DCP1B: variants seen among roughly 807,000 people sequenced by gnomAD.
The protein encoded by DCP1B is decapping mRNA 1B.
In DCP1B, 47 loss-of-function variants were observed where a neutral mutation model predicts 60.5. That is an observed-to-expected ratio of 0.78 (90% CI 0.61 to 0.99). The LOEUF is 0.99. Among genes scored for constraint, DCP1B ranks in the 50% least tolerant of loss-of-function variants. The probability of loss-of-function intolerance (pLI) is 0.00; values close to 1 mark genes in which losing one functional copy is unlikely to be tolerated. For synonymous variants in DCP1B, 267 were observed against 280.3 expected (o/e 0.95, Z 0.47); for missense variants, 725 against 756.8 (o/e 0.96, Z 0.49).
Position 1,955,105 on chromosome 12 carries a change from C to T in DCP1B, c.651+327G>A, listed in dbSNP as rs2154456704. Among the ~76,000 whole-genome samples, 2 of 152,292 alleles carry T rather than the reference C, an allele frequency of 1.3e-5. 1 individual carries two copies. The highest frequency in any genetic ancestry group is 4.1e-4 in the South Asian group (2 of 4,826). On this transcript the variant is annotated intron_variant, in intron 6 of 8. Transcript: ENST00000280665. ...CTTCTGGCCTCAAATGATCCTCTCG[C>T]CTCAGCCTCTCAAAGTGCTGGGATT...
intron 3 of DCP1B, among the ~76,000 whole-genome samples, chr12:1,979,165 A>G (rs1212674589): frequency 6.6e-6 from 1 of 152,142 alleles, no homozygotes; most frequent in Non-Finnish European, 1.5e-5. Context: ...CGTGCCCGCC[A>G]TCGAGCCTGG....
At chr12:2,000,803 G>A (rs1360833732) in intron 1 of DCP1B, among the ~76,000 whole-genome samples, 5 of 152,288 alleles carry the variant, frequency 3.3e-5, no homozygotes, top group South Asian at 2.1e-4. Context: ...TTGGGAGGCC[G>A]AGGCGGGTGG....
At chr12:1,953,801 G>A (rs2030781202) in intron 6 of DCP1B, among the ~76,000 whole-genome samples, 1 of 152,210 alleles carries the variant, frequency 6.6e-6, no homozygotes, top group African/African-American at 2.4e-5. Flanking sequence ...AAAAGTCCTT[G>A]GATACATAAA....
chr12:1,943,044 T>G (rs182454565), downstream of DCP1B, among the ~76,000 whole-genome samples: 2 of 151,988 alleles, frequency 1.3e-5, no homozygotes. Context: ...ATAGATAGAC[T>G]GCTAGCCAGA....
intron 1 of DCP1B, among the ~76,000 whole-genome samples, chr12:2,000,664 T>C (rs543678134): frequency 4.6e-5 from 7 of 152,328 alleles, no homozygotes; most frequent in African/African-American, 7.2e-5. Context: ...AATCACAACC[T>C]GGGACCTGTA....
In DCP1B at chr12:1,991,056, A is replaced by G. The variant is rs552493848; in HGVS notation, c.319+2208T>C. 22 of 455,198 alleles carry G rather than the reference A, an allele frequency of 4.8e-5. 1 individual carries two copies. The East Asian group carries it at 6.3e-4, about 13-fold the overall frequency. The allele number at this position is 455,198 out of a possible 1,614,324, so 28.2% of individuals were successfully genotyped here. On this transcript the variant is annotated intron_variant, in intron 3 of 8. Transcript: ENST00000280665. ...ATTCCCTTTCACTCTTTGTTGTTCA[A>G]CTGATTCTATTTCTTTTGTATGGAA...
chr12:1,957,018 TGTGTCAC>T (rs1325027175), intron 5 of DCP1B, among the ~76,000 whole-genome samples: 1 of 152,200 alleles, frequency 6.6e-6, no homozygotes, highest in African/African-American at 2.4e-5. Flanking sequence ...AGCTGTTTTC[TGTGTCAC>T]TACAACTGCC....
In DCP1B at chr12:1,948,443, G is replaced by A. The variant is rs2030525012; in HGVS notation, c.1773+643C>T. On this transcript the variant is annotated intron_variant, in intron 8 of 8. Coordinates refer to ENST00000280665, the MANE Select transcript of DCP1B (RefSeq NM_152640.5). This position sits in a 1 kb window ranked among gnomAD's most constrained non-coding sequence, Gnocchi z 4.8. ...GGGTTGTTATGTAAGGAGTGAATGA[G>A]TTATATGCTTGTGTGTAGCACTGAA... Among the ~76,000 whole-genome samples the A allele has an allele frequency of 6.6e-6, 1 of 152,202 alleles. No homozygotes were observed. Among genetic ancestry groups the A allele is most frequent in the Admixed American group, 6.5e-5 (1 of 15,284 alleles).
intron 7 of DCP1B, chr12:1,950,439 C>T (rs1017053809): frequency 1.3e-5 from 9 of 700,362 alleles, no homozygotes; most frequent in Non-Finnish European, 2.3e-5. Context: ...TCGCATGCTT[C>T]TAATTCTAAA....
At chr12:1,991,353 A>C (rs1565848859) in intron 3 of DCP1B, 3 of 414,422 alleles carry the variant, frequency 7.2e-6, no homozygotes, top group African/African-American at 2.1e-5. Flanking sequence ...TAAAATATGA[A>C]AAACAAATTA....
In DCP1B at chr12:1,963,687, T is replaced by C. The variant is rs140312778; in HGVS notation, c.522+1871A>G. ...TTCTGTGTCCTTTCACATGACCCTA[T>C]TGGTTTTACTATTCCAGACCTGGAA... On this transcript the variant is annotated intron_variant, in intron 5 of 8. Transcript: ENST00000280665. 7.2e-3 allele frequency among the ~76,000 whole-genome samples: 1,099 copies of C among 152,264 alleles called. 11 individuals are homozygous for C. The highest frequency in any genetic ancestry group is 0.025 in the African/African-American group (1,039 of 41,554).
At chr12:1,963,592 G>A (rs1437246857) in intron 5 of DCP1B, among the ~76,000 whole-genome samples, 1 of 152,134 alleles carries the variant, frequency 6.6e-6, no homozygotes, top group Non-Finnish European at 1.5e-5. Flanking sequence ...ATTCAATGTG[G>A]TTTAATCCAT....
At chr12:1,955,642 C>A in intron 5 of DCP1B, 82 bp from the exon 6 acceptor site, 1 of 1,463,976 alleles carries the variant, frequency 6.8e-7, no homozygotes, top group South Asian at 1.4e-5. Context: ...TACTTCTTAT[C>A]TAATTGGTAG....
At chr12:1,952,268 A>G in intron 7 of DCP1B, 148 bp downstream of exon 7, 1 of 967,698 alleles carries the variant, frequency 1.0e-6, no homozygotes, top group South Asian at 2.5e-5. Context: ...CCGCCTCTTG[A>G]GCTCAAGGGA....
rs1565869841 is a variant in DCP1B at position 1,996,640 on chromosome 12, AAAAAAAAAAAAAAAAC to A, written c.191+1279_191+1294del. On this transcript the variant is annotated intron_variant, in intron 2 of 8. Coordinates refer to ENST00000280665, the MANE Select transcript of DCP1B (RefSeq NM_152640.5). The stretch of plus-strand genomic sequence containing the variant: ...CTAAAAAAAAAAAAAAAAAAAAAAA[AAAAAAAAAAAAAAAAC>A]AACAAACTCTTCTAATGTTTTAAAG... 9.3e-5 allele frequency among the ~76,000 whole-genome samples: 11 copies of A among 117,798 alleles called. 1 individual carries two copies. Among genetic ancestry groups the A allele is most frequent in the Non-Finnish European group, 1.1e-4 (6 of 56,122 alleles). The allele number at this position is 117,798 out of a possible 152,430, so 77.3% of individuals were successfully genotyped here.
chr12:1,963,223 T>C (rs1283587596), intron 5 of DCP1B, among the ~76,000 whole-genome samples: 1 of 152,198 alleles, frequency 6.6e-6, no homozygotes, highest in Non-Finnish European at 1.5e-5. Context: ...CCTTCCACTG[T>C]CAAGTTTCTA....
chr12:1,997,938 G>A lies in DCP1B; in HGVS notation c.188C>T (p.Thr63Ile). ...TDVEGTLFVY[T>I]RSASPKHGFT... ...TATAAAAGTGAAACACTCTTACCTT[G>A]TATAAACAAATAAGGTTCCTTCCAC... Residue 63 changes from threonine to isoleucine, a missense_variant, in exon 2 of 9, where the codon ACA becomes ATA. Transcript: ENST00000280665. 6.2e-7 allele frequency: 1 copy of A among 1,606,092 alleles called. No individual in the cohort carries two copies. Among genetic ancestry groups the A allele is most frequent in the Non-Finnish European group, 8.5e-7 (1 of 1,176,386 alleles).
At chr12:1,957,737 T>C (rs2030937510) in intron 5 of DCP1B, among the ~76,000 whole-genome samples, 1 of 152,250 alleles carries the variant, frequency 6.6e-6, no homozygotes, top group Non-Finnish European at 1.5e-5. Flanking sequence ...ATTAACATCT[T>C]TTCTACTTTA....
At chr12:1,961,298 G>A (rs1158934464) in intron 5 of DCP1B, 2 of 152,210 alleles carry the variant, frequency 1.3e-5, no homozygotes, top group African/African-American at 2.4e-5. Flanking sequence ...AAGACTCCAA[G>A]GGTTCCTGTA....
Sources: gnomAD v4.1 joint callset for allele counts (sites outside exome capture counted in the v4.1 genomes callset) on GRCh38, gnomAD v4.1.1 for gene constraint, Gnocchi (gnomAD v3.1) non-coding constraint, MANE v1.5 for transcripts, NCBI Gene and HGNC (gene_info 2026-07-23, HGNC 2026-07-21) for gene names.